PPP1R8: variants seen among roughly 807,000 people sequenced by gnomAD.
The protein encoded by PPP1R8 is nuclear inhibitor of protein phosphatase 1.
A neutral mutation model predicts 31.3 loss-of-function variants in PPP1R8; 4 were observed. That is an observed-to-expected ratio of 0.13 (90% confidence interval 0.06 to 0.29). PPP1R8 has a LOEUF of 0.29. Among genes scored for constraint, PPP1R8 ranks in the 10% least tolerant of loss-of-function variants. The probability of loss-of-function intolerance (pLI) is 1.00; values close to 1 mark genes in which losing one functional copy is unlikely to be tolerated. For synonymous variants in PPP1R8, 170 were observed against 169.7 expected (o/e 1.00, Z -0.01); for missense variants, 254 against 440.1 (o/e 0.58, Z 3.78).
intron 6 of PPP1R8, among the ~76,000 whole-genome samples, chr1:27,847,378 G>A (rs894723810): frequency 6.6e-6 from 1 of 151,722 alleles, no homozygotes; most frequent in Non-Finnish European, 1.5e-5. Flanking sequence ...GTGGTGGTAG[G>A]TCTCTGTAAT....
At chr1:27,831,300 C>T in intron 1 of PPP1R8, 1 of 1,000,940 alleles carries the variant, frequency 1.0e-6, no homozygotes, top group Non-Finnish European at 1.2e-6. Context: ...CCTCCAAGCC[C>T]CGCATCCCTC....
intron 6 of PPP1R8, among the ~76,000 whole-genome samples, chr1:27,848,799 T>C (rs1343860933): frequency 6.6e-6 from 1 of 152,184 alleles, no homozygotes; most frequent in Non-Finnish European, 1.5e-5. Context: ...TTGTTATTCC[T>C]TTGGAATGTT....
chr1:27,846,753 C>T (rs537630065), intron 5 of PPP1R8, among the ~76,000 whole-genome samples: 7 of 152,312 alleles, frequency 4.6e-5, no homozygotes, highest in African/African-American at 1.7e-4. Context: ...GGACTCAAGT[C>T]CTGGCTCCTG....
At chr1:27,832,689 G>A in intron 1 of PPP1R8, 67 bp from the exon 2 acceptor site, 1 of 1,371,190 alleles carries the variant, frequency 7.3e-7, no homozygotes, top group Non-Finnish European at 1.0e-6. Flanking sequence ...TGTTGAATGG[G>A]ACAATGGTTG....
At chr1:27,837,363 A>G (rs1477869568) in intron 2 of PPP1R8, among the ~76,000 whole-genome samples, 1 of 147,976 alleles carries the variant, frequency 6.8e-6, no homozygotes, top group Admixed American at 6.7e-5. Context: ...CCCGGGAGGC[A>G]GAGCTTGTAG....
chr1:27,831,124 T>TAG (rs2089098884), intron 1 of PPP1R8: 3 of 1,322,920 alleles, frequency 2.3e-6, no homozygotes, highest in Non-Finnish European at 2.9e-6. Context: ...GGCGCTCACT[T>TAG]AGGCAGCCCC....
At chr1:27,844,121 A>G (rs1379222446) in intron 5 of PPP1R8, among the ~76,000 whole-genome samples, 4 of 151,682 alleles carry the variant, frequency 2.6e-5, no homozygotes, top group Non-Finnish European at 4.4e-5. Flanking sequence ...TCCCACCTCA[A>G]CCTCCTGAGT....
chr1:27,839,129 G>A (rs957918556), intron 3 of PPP1R8, among the ~76,000 whole-genome samples: 3 of 152,064 alleles, frequency 2.0e-5, no homozygotes, highest in Admixed American at 6.6e-5. Context: ...AAGCTGAGGC[G>A]GGAGGATCAC....
intron 4 of PPP1R8, 112 bp from the exon 5 acceptor site, chr1:27,843,074 T>A: frequency 7.9e-7 from 1 of 1,266,106 alleles, no homozygotes; most frequent in Non-Finnish European, 1.1e-6. Flanking sequence ...TCAACTCCCT[T>A]TGGAGGTCAA....
rs1432347709 is a variant in PPP1R8 at position 27,847,085 on chromosome 1, C to T, written c.695C>T (p.Pro232Leu). The T allele has an allele frequency of 1.9e-6, 3 of 1,613,738 alleles. No individual in the cohort carries two copies. The highest frequency in any genetic ancestry group is 1.1e-5 in the South Asian group (1 of 91,070). ...FRNMVQTAVV[P>L]VKKKRVEGPG... ...AACATGGTGCAAACTGCAGTGGTCCCAGTCAAGGTAGGAAGCACATGAAAT... is the reference window on the plus strand; with the variant it reads ...AACATGGTGCAAACTGCAGTGGTCCTAGTCAAGGTAGGAAGCACATGAAAT... Residue 232 changes from proline (P) to leucine (L), a missense_variant, in exon 6 of 7, where the codon CCA (proline) becomes CTA (leucine). Around this residue, in one of 6 missense-constraint regions of PPP1R8, gnomAD observed 29 missense variants for 99.2 expected, o/e 0.29. Coordinates refer to ENST00000311772, the MANE Select transcript of PPP1R8 (RefSeq NM_014110.5).
intron 5 of PPP1R8, among the ~76,000 whole-genome samples, chr1:27,845,972 AG>A (rs1428751785): frequency 3.3e-5 from 5 of 151,276 alleles, no homozygotes; most frequent in African/African-American, 1.2e-4. Flanking sequence ...TGTATTTTTT[AG>A]TAGAGACGGA....
In PPP1R8 at chr1:27,850,526, A is replaced by G. The variant is rs2089333637; in HGVS notation, c.*80A>G. 1 of 1,284,116 alleles carries G rather than the reference A, an allele frequency of 7.8e-7. No individual in the cohort carries two copies. The highest frequency in any genetic ancestry group is 1.5e-5 in the South Asian group (1 of 67,984). The allele number at this position is 1,284,116 out of a possible 1,614,324, so 79.5% of individuals were successfully genotyped here. A position where few individuals can be genotyped will look rare whatever the true frequency, so the allele number is the denominator to read the frequency against. On this transcript the variant is annotated 3_prime_UTR_variant, in exon 7 of 7. Transcript: ENST00000311772. ...TGGGGAGCTAATGAACTAGGGAGAA[A>G]AACTTTCCATGTGTGCGGTATCGTC...
Position 27,850,124 on chromosome 1 carries a change from G to A in PPP1R8, c.734G>A (p.Gly245Asp). 1.3e-6 allele frequency: 2 copies of A among 1,598,948 alleles called. No homozygotes were observed. The highest frequency in any genetic ancestry group is 1.1e-5 in the South Asian group (1 of 89,292). Residue 245 changes from glycine to aspartate, a missense_variant, in exon 7 of 7, where the codon GGC becomes GAC. Gly to Asp is a moderately conservative substitution (Grantham distance 94, BLOSUM62 -1). Transcript: ENST00000311772. ...CGTGTGGAGGGCCCTGGCTCCCTGG[G>A]CCTGGAGGAATCAGGGAGCAGGCGC... is the stretch of plus-strand genomic sequence containing the variant. Reference protein sequence around the residue: ...KKRVEGPGSLGLEESGSRRMQ... With the variant: ...KKRVEGPGSLDLEESGSRRMQ...
chr1:27,840,413 G>T (rs2089211724), intron 3 of PPP1R8, among the ~76,000 whole-genome samples: 1 of 152,182 alleles, frequency 6.6e-6, no homozygotes, highest in African/African-American at 2.4e-5. Flanking sequence ...AATGCCAACA[G>T]GGGAAAATAT....
At chr1:27,834,442 T>G (rs752536589) in intron 2 of PPP1R8, 1 of 519,094 alleles carries the variant, frequency 1.9e-6, no homozygotes. Context: ...CCTAGCCTTG[T>G]GTCAAAGGCT....
At position 27,830,855 on chromosome 1, in the gene PPP1R8, C is replaced by T. The variant is rs2089093167; in HGVS notation, c.20C>T (p.Ser7Phe). The change falls in exon 1 of 7, where the codon TCC becomes TTC. Residue 7 changes from serine (S) to phenylalanine (F), a missense_variant. Ser to Phe is a radical substitution (Grantham distance 155, BLOSUM62 -2). Around this residue, in one of 6 missense-constraint regions of PPP1R8, gnomAD observed 38 missense variants for 18.6 expected, o/e 2.04. Coordinates refer to ENST00000311772, the MANE Select transcript of PPP1R8 (RefSeq NM_014110.5). MAAAAN[S>F]GSSLPLFDCP... Reference sequence around the variant, plus strand: ...CGCAAGATGGCGGCAGCCGCGAACTCCGGCTCTAGCCTCCCGCTGTTCGAC... The same window carrying T: ...CGCAAGATGGCGGCAGCCGCGAACTTCGGCTCTAGCCTCCCGCTGTTCGAC... The T allele has an allele frequency of 6.3e-7, 1 of 1,575,846 alleles. No individual in the cohort carries two copies. The highest frequency in any genetic ancestry group is 2.3e-5 in the East Asian group (1 of 42,592).
intron 2 of PPP1R8, chr1:27,834,472 T>G (rs763817760): frequency 1.9e-6 from 1 of 519,172 alleles, no homozygotes; most frequent in Non-Finnish European, 3.8e-6. Flanking sequence ...TTGTGATAGC[T>G]GGGTTTAAGA....
At chr1:27,848,384 G>A (rs777365511) in intron 6 of PPP1R8, among the ~76,000 whole-genome samples, 17 of 152,106 alleles carry the variant, frequency 1.1e-4, no homozygotes, top group African/African-American at 2.7e-4. Flanking sequence ...CAGCCTGGTC[G>A]TCAGCGAGAC....
In PPP1R8 at chr1:27,850,182, C is replaced by T. The variant is rs767947627; in HGVS notation, c.792C>T (p.Tyr264=). The T allele has an allele frequency of 1.4e-5, 23 of 1,614,012 alleles. No individual in the cohort carries two copies. Among genetic ancestry groups the T allele is most frequent in the East Asian group, 4.5e-5 (2 of 44,878 alleles). ...MQNFAFSGGL[Y]GGLPPTHSEA... ...ACTTTGCCTTCAGCGGAGGACTCTA[C>T]GGGGGCCTGCCCCCCACACACAGTG... is the stretch of plus-strand genomic sequence containing the variant. The change falls in exon 7 of 7, where the codon TAC becomes TAT. Residue 264 remains tyrosine (Y), a synonymous_variant. Transcript: ENST00000311772.
Sources: allele counts gnomAD v4.1 joint callset (sites outside exome capture counted in the v4.1 genomes callset), GRCh38; gene constraint gnomAD v4.1.1; regional missense constraint gnomAD v4.1.1; transcripts MANE v1.5; gene names NCBI Gene and HGNC (gene_info 2026-07-23, HGNC 2026-07-21).